The following SKIL variants were observed in gnomAD, a reference collection of about 807,000 sequenced individuals.
The protein encoded by SKIL is SKI like proto-oncogene.
SKIL carries 20 observed loss-of-function variants against 69.6 expected under a neutral mutation model. That is an observed-to-expected ratio of 0.29 (90% CI 0.20 to 0.42). The LOEUF (loss-of-function observed/expected upper bound fraction) is 0.42, where lower values mean the gene tolerates loss of function less well. Among genes scored for constraint, SKIL ranks in the 10% least tolerant of loss-of-function variants. The probability of loss-of-function intolerance (pLI) is 1.00; values close to 1 mark genes in which losing one functional copy is unlikely to be tolerated. For synonymous variants in SKIL, 310 were observed against 279.9 expected (o/e 1.11, Z -1.08); for missense variants, 745 against 783.1 (o/e 0.95, Z 0.58).
rs138349893 is a variant in SKIL at position 170,387,281 on chromosome 3, A to G, written c.1429+2516A>G. ...AGGTGATCCACCCGCCTCGGCCCAT[A>G]ATGTTTTCATCACTCCAAAAATTAA... On this transcript the variant is annotated intron_variant, in intron 4 of 6. Coordinates refer to ENST00000259119, the MANE Select transcript of SKIL (RefSeq NM_005414.5). Among the ~76,000 whole-genome samples, 978 of 152,102 alleles carry G rather than the reference A, an allele frequency of 6.4e-3. 3 individuals are homozygous for G. The highest frequency in any genetic ancestry group is 0.019 in the South Asian group (90 of 4,814).
At chr3:170,364,186 C>G (rs957524687) in intron 2 of SKIL, among the ~76,000 whole-genome samples, 1 of 152,066 alleles carries the variant, frequency 6.6e-6, no homozygotes, top group Non-Finnish European at 1.5e-5. Flanking sequence ...CTCCTGAGCT[C>G]AGGCAATGCG....
intron 3 of SKIL, among the ~76,000 whole-genome samples, chr3:170,382,127 A>G (rs1577436019): frequency 1.3e-5 from 2 of 152,112 alleles, no homozygotes; most frequent in African/African-American, 4.8e-5. Context: ...AAATAAGTAC[A>G]TTGGTATTTA....
intron 2 of SKIL, among the ~76,000 whole-genome samples, chr3:170,362,467 G>A (rs956363611): frequency 2.0e-5 from 3 of 151,596 alleles, no homozygotes; most frequent in African/African-American, 7.3e-5. Context: ...GTGCCATTGC[G>A]CTCCAGCGTA....
chr3:170,391,622 G>A (rs541232558), intron 6 of SKIL, among the ~76,000 whole-genome samples: 2 of 152,084 alleles, frequency 1.3e-5, no homozygotes, highest in South Asian at 4.1e-4. Context: ...CCCGGCCACC[G>A]TTACTTCTCT....
chr3:170,367,893 A>G (rs1014565797), intron 2 of SKIL, among the ~76,000 whole-genome samples: 1 of 152,236 alleles, frequency 6.6e-6, no homozygotes, highest in African/African-American at 2.4e-5. Context: ...TGACCTAAAG[A>G]TAGCAACTTA....
chr3:170,369,082 A>ATTTTTTTTTTTTTTTT (rs55652320), intron 2 of SKIL, among the ~76,000 whole-genome samples: 1 of 126,776 alleles, frequency 7.9e-6, no homozygotes, highest in African/African-American at 3.0e-5. Flanking sequence ...TATCCCTGGC[A>ATTTTTTTTTTTTTTTT]TTTTTTTTTT....
At chr3:170,381,488 A>G (rs889965981) in intron 3 of SKIL, 147 bp downstream of exon 3, 11 of 562,582 alleles carry the variant, frequency 2.0e-5, no homozygotes, top group African/African-American at 1.9e-4. Context: ...GCTGGAGTGC[A>G]GTGGCGCGAT....
intron 2 of SKIL, among the ~76,000 whole-genome samples, chr3:170,363,650 A>G (rs1309268201): frequency 6.0e-5 from 9 of 151,180 alleles, no homozygotes; most frequent in African/African-American, 2.2e-4. Flanking sequence ...CACACCCTTT[A>G]ATTTTTGTTA....
At chr3:170,388,327 C>A (rs1487942368) in intron 4 of SKIL, among the ~76,000 whole-genome samples, 1 of 135,786 alleles carries the variant, frequency 7.4e-6, no homozygotes, top group African/African-American at 2.6e-5. Context: ...CTATTCAGGT[C>A]TTTTGGCTAT....
At chr3:170,380,419 G>C (rs933403413) in intron 2 of SKIL, among the ~76,000 whole-genome samples, 12 of 152,118 alleles carry the variant, frequency 7.9e-5, no homozygotes, top group African/African-American at 1.4e-4. Flanking sequence ...GAGGAGCAGG[G>C]ATCACCTGAG....
intron 4 of SKIL, among the ~76,000 whole-genome samples, chr3:170,389,936 A>G (rs1026775016): frequency 6.6e-6 from 1 of 152,224 alleles, no homozygotes; most frequent in South Asian, 2.1e-4. Context: ...TAGGGATTGC[A>G]CTGATAAGTA....
At chr3:170,376,391 C>T (rs1323818668) in intron 2 of SKIL, among the ~76,000 whole-genome samples, 1 of 152,072 alleles carries the variant, frequency 6.6e-6, no homozygotes, top group African/African-American at 2.4e-5. Context: ...ATGAACTTAT[C>T]CTCGTTCATT....
chr3:170,363,791 C>T (rs2108894051), intron 2 of SKIL, among the ~76,000 whole-genome samples: 1 of 152,134 alleles, frequency 6.6e-6, no homozygotes, highest in East Asian at 1.9e-4. Context: ...GGCCTATTAA[C>T]TAATTTTAAA....
chr3:170,364,403 AATCTCC>A (rs1281397009), intron 2 of SKIL, among the ~76,000 whole-genome samples: 1 of 143,926 alleles, frequency 6.9e-6, no homozygotes, highest in Non-Finnish European at 1.5e-5. Flanking sequence ...AGTTCACTGC[AATCTCC>A]ACCTCCCAGA....
chr3:170,379,477 T>C (rs1737213489), intron 2 of SKIL, among the ~76,000 whole-genome samples: 1 of 59,342 alleles, frequency 1.7e-5, no homozygotes, highest in Non-Finnish European at 4.7e-5. Context: ...CAGTGAGTCT[T>C]GCCCCCCCTT....
chr3:170,391,283 T>C (rs1737903100), intron 6 of SKIL, 23 bp downstream of exon 6: 13 of 1,314,444 alleles, frequency 9.9e-6, no homozygotes, highest in African/African-American at 1.5e-5. Flanking sequence ...GTTTGTATAA[T>C]GGTGCCCTTT....
intron 4 of SKIL, among the ~76,000 whole-genome samples, chr3:170,387,086 C>T (rs528746547): frequency 8.3e-4 from 126 of 151,902 alleles, no homozygotes; most frequent in Non-Finnish European, 1.3e-3. Flanking sequence ...GGGGTGATTT[C>T]GGCTCACTGC....
At chr3:170,368,897 C>T (rs77424226) in intron 2 of SKIL, among the ~76,000 whole-genome samples, 290 of 152,180 alleles carry the variant, frequency 1.9e-3, no homozygotes, top group African/African-American at 6.0e-3. Context: ...TCCATTTATT[C>T]GGTTGATACC....
intron 5 of SKIL, 120 bp from the exon 6 acceptor site, chr3:170,390,916 A>T: frequency 1.6e-6 from 1 of 624,614 alleles, no homozygotes; most frequent in Non-Finnish European, 2.9e-6. Context: ...AATTACCTCT[A>T]TATAGAACTG....
Sources: gnomAD v4.1 joint callset for allele counts (sites outside exome capture counted in the v4.1 genomes callset) on GRCh38, gnomAD v4.1.1 for gene constraint, MANE v1.5 for transcripts, NCBI Gene and HGNC (gene_info 2026-07-23, HGNC 2026-07-21) for gene names.